KIAA1549: variants seen among roughly 807,000 people sequenced by gnomAD.
KIAA1549 encodes the protein UPF0606 protein KIAA1549.
Under a neutral mutation model 156.4 loss-of-function variants are expected in KIAA1549, and 70 were observed. That is an observed-to-expected ratio of 0.45 (90% CI 0.37 to 0.55). The LOEUF is 0.55. Ranked by LOEUF, KIAA1549 falls within the 20% of genes least tolerant of loss-of-function variation. The pLI is 0.00. For missense variants in KIAA1549, 2,428 were observed against 2,540.9 expected, an observed-to-expected ratio of 0.96 and a Z score of 0.96; for synonymous variants, 1,103 against 1,066.4, an observed-to-expected ratio of 1.03 and a Z score of -0.67.
At position 138,917,169 on chromosome 7, in the gene KIAA1549, G is replaced by A. The variant is rs746916296; in HGVS notation, c.2457C>T (p.Asp819=). The A allele has an allele frequency of 1.4e-5, 23 of 1,613,932 alleles. No homozygotes were observed. The highest frequency in any genetic ancestry group is 4.5e-5 in the East Asian group (2 of 44,880). The part of the protein sequence containing the change: ...TPPDDQISAL[D]GHVSVLASFS... ...AAGAGGCCAGGACAGACACGTGACC[G>A]TCTAGAGCACTGATTTGGTCGTCAG... The change falls in exon 2 of 20, where the codon GAC becomes GAT. Residue 819 remains aspartate, a synonymous_variant. Coordinates refer to ENST00000422774, the MANE Select transcript of KIAA1549 (RefSeq NM_001164665.2).
In KIAA1549 at chr7:138,895,419, T is replaced by C. The variant is rs142130911; in HGVS notation, c.3848-893A>G. Among the ~76,000 whole-genome samples, 5 of 152,270 alleles carry C rather than the reference T, an allele frequency of 3.3e-5. No homozygotes were observed. In the East Asian group the frequency reaches 7.7e-4, roughly 23 times the overall value. On this transcript the variant is annotated intron_variant, in intron 9 of 19. Transcript: ENST00000422774. ...ATGAATGAATGAACAAAATGTAGTA[T>C]AGCCATACAATGGAATATCATTCAG...
intron 10 of KIAA1549, among the ~76,000 whole-genome samples, chr7:138,887,926 T>C (rs1467749307): frequency 1.3e-5 from 2 of 152,120 alleles, no homozygotes; most frequent in Non-Finnish European, 2.9e-5. Flanking sequence ...CTCCCAGCCA[T>C]TGAAGAACAG....
intron 1 of KIAA1549, among the ~76,000 whole-genome samples, chr7:138,969,545 G>A (rs532988770): frequency 1.8e-4 from 28 of 152,086 alleles, no homozygotes; most frequent in South Asian, 1.5e-3. Flanking sequence ...AATTTTGTGC[G>A]TACATAGTTG....
rs1813629477 is a variant in KIAA1549, at chr7:138,955,320, A to T, written c.187+25763T>A. Among the ~76,000 whole-genome samples, 3 of 152,258 alleles carry T rather than the reference A, an allele frequency of 2.0e-5. No homozygotes were observed. In the South Asian group the frequency reaches 6.2e-4, roughly 31 times the overall value. On this transcript the variant is annotated intron_variant, in intron 1 of 19. Coordinates refer to ENST00000422774, the MANE Select transcript of KIAA1549 (RefSeq NM_001164665.2). ...ATCACTCAGCCTCAAAAAGGAAGGAAATTCTGACACACACTACAACACAGG... is the reference window on the plus strand; with the variant it reads ...ATCACTCAGCCTCAAAAAGGAAGGATATTCTGACACACACTACAACACAGG...
At chr7:138,877,220 A>G (rs1423330160) in intron 12 of KIAA1549, among the ~76,000 whole-genome samples, 1 of 151,586 alleles carries the variant, frequency 6.6e-6, no homozygotes, top group Non-Finnish European at 1.5e-5. Flanking sequence ...CAGGCCGAAC[A>G]TGGTGGCTCA....
intron 10 of KIAA1549, among the ~76,000 whole-genome samples, chr7:138,884,025 C>T (rs890032232): frequency 3.9e-5 from 6 of 152,150 alleles, no homozygotes; most frequent in African/African-American, 1.4e-4. Flanking sequence ...GGCATTCAGC[C>T]CCACCCCCCA....
chr7:138,909,144 TC>T (rs1812097174), intron 4 of KIAA1549, 23 bp from the exon 5 acceptor site: 5 of 1,602,406 alleles, frequency 3.1e-6, no homozygotes, highest in Non-Finnish European at 4.3e-6. Flanking sequence ...GCAATCAAAG[TC>T]CCATAAATGA....
chr7:138,844,276 GT>G (rs768991257), intron 18 of KIAA1549, 40 bp downstream of exon 18: 88 of 1,611,470 alleles, frequency 5.5e-5, no homozygotes, highest in Non-Finnish European at 7.1e-5. Flanking sequence ...TCAAGTAAAT[GT>G]CCCGTAGCTC....
chr7:138,920,802 T>C (rs560156735), intron 1 of KIAA1549, among the ~76,000 whole-genome samples: 1 of 152,342 alleles, frequency 6.6e-6, no homozygotes, highest in African/African-American at 2.4e-5. Flanking sequence ...TGTGAAATGG[T>C]ATAAGGACAG....
At chr7:138,881,177 G>A (rs1012090925) in intron 11 of KIAA1549, among the ~76,000 whole-genome samples, 3 of 152,180 alleles carry the variant, frequency 2.0e-5, no homozygotes, top group South Asian at 2.1e-4. Context: ...AACCGTGTGG[G>A]GAAAGAAATC....
At chr7:138,860,216 G>A (rs1810532466) in intron 16 of KIAA1549, among the ~76,000 whole-genome samples, 1 of 152,188 alleles carries the variant, frequency 6.6e-6, no homozygotes, top group African/African-American at 2.4e-5. Flanking sequence ...AAACAGTAAT[G>A]ATTAGATTGA....
chr7:138,894,332 T>C lies in KIAA1549; in HGVS notation c.4032+10A>G. 1 of 1,613,620 alleles carries C rather than the reference T, an allele frequency of 6.2e-7. No individual in the cohort carries two copies. Among genetic ancestry groups the C allele is most frequent in the South Asian group, 1.1e-5 (1 of 91,074 alleles). Reference sequence around the variant, plus strand: ...TTATAGGAACACTGGGGGAAGAGGCTGCCCGTTACCTTCTGACGCTGCTGA... The same window carrying C: ...TTATAGGAACACTGGGGGAAGAGGCCGCCCGTTACCTTCTGACGCTGCTGA... On this transcript the variant is annotated intron_variant, in intron 10 of 19. Transcript: ENST00000422774.
chr7:138,956,278 TTC>T (rs1468284838), intron 1 of KIAA1549, among the ~76,000 whole-genome samples: 1 of 152,156 alleles, frequency 6.6e-6, no homozygotes, highest in Non-Finnish European at 1.5e-5. Context: ...TGAAAAGGCA[TTC>T]TGAGTTAGGA....
intron 15 of KIAA1549, among the ~76,000 whole-genome samples, chr7:138,865,577 A>G (rs1810714214): frequency 6.6e-6 from 1 of 152,204 alleles, no homozygotes; most frequent in Non-Finnish European, 1.5e-5. Context: ...AATCTGAGGA[A>G]GATTTTTATT....
intron 15 of KIAA1549, 35 bp from the exon 16 acceptor site, chr7:138,861,491 T>C: frequency 6.5e-7 from 1 of 1,532,746 alleles, no homozygotes; most frequent in East Asian, 2.3e-5. Flanking sequence ...GAATCACACA[T>C]GAGTTTTTGT....
chr7:138,948,355 T>C (rs952188472), intron 1 of KIAA1549, among the ~76,000 whole-genome samples: 11 of 152,062 alleles, frequency 7.2e-5, no homozygotes, highest in Non-Finnish European at 1.3e-4. Flanking sequence ...GTGAAGCGGC[T>C]ACAGGCCAAG....
chr7:138,856,527 G>A (rs1379203572), intron 16 of KIAA1549, among the ~76,000 whole-genome samples: 2 of 152,070 alleles, frequency 1.3e-5, no homozygotes, highest in Non-Finnish European at 2.9e-5. Flanking sequence ...TAGTCTCTCT[G>A]TTTCTGACAA....
intron 10 of KIAA1549, among the ~76,000 whole-genome samples, chr7:138,885,957 A>G (rs1811378301): frequency 6.6e-6 from 1 of 152,114 alleles, no homozygotes; most frequent in Non-Finnish European, 1.5e-5. Flanking sequence ...CCCAGTGGAC[A>G]GTGTCGGAAC....
In KIAA1549 at chr7:138,869,640, G is replaced by C. The variant is rs775905372; in HGVS notation, c.4673C>G (p.Thr1558Ser). Residue 1558 changes from threonine to serine, a missense_variant, in exon 14 of 20, where the codon ACT becomes AGT. Around this residue, in one of 5 missense-constraint regions of KIAA1549, gnomAD observed 404 missense variants for 417.0 expected, o/e 0.97. Coordinates refer to ENST00000422774, the MANE Select transcript of KIAA1549 (RefSeq NM_001164665.2). ...GCGGTACACCCGGTGTCGCTCCTTA[G>C]TGTCGCCCGAGGACAGGTCGTCTAC... ...PVVDDLSSGD[T>S]KERHRVYRRA... The C allele has an allele frequency of 2.0e-5, 33 of 1,611,156 alleles. No individual in the cohort carries two copies. The Admixed American group carries it at 5.0e-4, about 24-fold the overall frequency.
Sources: allele counts gnomAD v4.1 joint callset (sites outside exome capture counted in the v4.1 genomes callset), GRCh38; gene constraint gnomAD v4.1.1; regional missense constraint gnomAD v4.1.1; transcripts MANE v1.5; gene names NCBI Gene and HGNC (gene_info 2026-07-23, HGNC 2026-07-21).